Variants in EFEMP1 observed in about 807,000 individuals in gnomAD.
EFEMP1 encodes the protein EGF-like fibulin extracellular matrix protein 1.
Under a neutral mutation model 65.7 loss-of-function variants are expected in EFEMP1, and 18 were observed. The ratio of observed to expected loss-of-function variants is 0.27; its 90% confidence interval spans 0.19 to 0.41. The LOEUF is 0.41. EFEMP1 is among the 10% of genes least tolerant of loss of function. EFEMP1 has a pLI of 1.00. For missense variants in EFEMP1, 469 were observed against 624.8 expected, an observed-to-expected ratio of 0.75 and a Z score of 2.66; for synonymous variants, 237 against 219.7, an observed-to-expected ratio of 1.08 and a Z score of -0.70.
At chr2:55,882,114 C>G (rs909120266) in intron 5 of EFEMP1, among the ~76,000 whole-genome samples, 57 of 151,912 alleles carry the variant, frequency 3.8e-4, no homozygotes, top group Non-Finnish European at 7.4e-5. Context: ...AGGGATGCAT[C>G]CATTAGAACA....
chr2:55,877,635 G>A lies in EFEMP1; in HGVS notation c.760+111C>T. Reference sequence around the variant, plus strand: ...TTTTAAGCTTTATGATTGCTGAAGGGAAGTCGATGGAAACTATTTACTCAA... The same window carrying A: ...TTTTAAGCTTTATGATTGCTGAAGGAAAGTCGATGGAAACTATTTACTCAA... On this transcript the variant is annotated intron_variant, in intron 7 of 11. Coordinates refer to ENST00000355426, the MANE Select transcript of EFEMP1 (RefSeq NM_001039348.3). This position sits in a 1 kb window ranked among gnomAD's most constrained non-coding sequence, Gnocchi z 4.5. The A allele has an allele frequency of 1.3e-6, 2 of 1,487,680 alleles. No homozygotes were observed. The highest frequency in any genetic ancestry group is 2.3e-5 in the South Asian group (2 of 86,948). The allele number at this position is 1,487,680 out of a possible 1,614,324, so 92.2% of individuals were successfully genotyped here. A position where few individuals can be genotyped will look rare whatever the true frequency, so the allele number is the denominator to read the frequency against.
chr2:55,867,505 TC>T lies in EFEMP1; in HGVS notation c.1321-272del. Reference sequence around the variant, plus strand: ...CCTCCCTCTCTGTTAACATTTTTCTTCACTTTTATTGAGTAGTTGTGGACTT... The same window carrying T: ...CCTCCCTCTCTGTTAACATTTTTCTTACTTTTATTGAGTAGTTGTGGACTT... On this transcript the variant is annotated intron_variant, in intron 11 of 11. Coordinates refer to ENST00000355426, the MANE Select transcript of EFEMP1 (RefSeq NM_001039348.3). The surrounding 1 kb of genome is among the most constrained non-coding windows in gnomAD (Gnocchi z 4.3). Among the ~76,000 whole-genome samples, 1 of 152,186 alleles carries T rather than the reference TC, an allele frequency of 6.6e-6. No individual in the cohort carries two copies. The highest frequency in any genetic ancestry group is 2.1e-4 in the South Asian group (1 of 4,832).
rs192404906 is a variant in EFEMP1, at chr2:55,870,929, C to G, written c.1125-14G>C. ...CAAACACATCGGCTGCAGAGACAAA[C>G]AAAAGTATTCAGCAGTTTGGCTTGG... On this transcript the variant is annotated splice_polypyrimidine_tract_variant and intron_variant, in intron 10 of 11. Transcript: ENST00000355426. This position sits in a 1 kb window ranked among gnomAD's most constrained non-coding sequence, Gnocchi z 5.8. The G allele has an allele frequency of 2.5e-5, 40 of 1,613,694 alleles. No homozygotes were observed. The African/African-American group carries it at 2.9e-4, about 12-fold the overall frequency.
At chr2:55,907,561 T>C (rs1323585410) in intron 5 of EFEMP1, among the ~76,000 whole-genome samples, 2 of 152,338 alleles carry the variant, frequency 1.3e-5, no homozygotes, top group East Asian at 1.9e-4. Context: ...ATATAAGTTT[T>C]CAGAAAATAG....
At chr2:55,905,862 A>G (rs1402681102) in intron 5 of EFEMP1, among the ~76,000 whole-genome samples, 1 of 152,194 alleles carries the variant, frequency 6.6e-6, no homozygotes, top group Non-Finnish European at 1.5e-5. Flanking sequence ...TGACATTCTA[A>G]TAGTCCATTT....
intron 5 of EFEMP1, among the ~76,000 whole-genome samples, chr2:55,896,137 T>C (rs1382867163): frequency 6.6e-6 from 1 of 152,244 alleles, no homozygotes; most frequent in African/African-American, 2.4e-5. Flanking sequence ...GCTGGATGTA[T>C]AAATTCTAGC....
intron 6 of EFEMP1, among the ~76,000 whole-genome samples, chr2:55,879,291 C>T (rs1669149807): frequency 6.6e-6 from 1 of 152,184 alleles, no homozygotes. Flanking sequence ...ATCGAAACTT[C>T]ACACTAATTA....
At chr2:55,918,198 A>G (rs770669874) in intron 4 of EFEMP1, 21 bp downstream of exon 4, 13 of 1,614,192 alleles carry the variant, frequency 8.1e-6, no homozygotes, top group African/African-American at 2.7e-5. Flanking sequence ...GATCACATGG[A>G]AGTCTTTGAA....
In EFEMP1 at chr2:55,917,024, C is replaced by T. The variant is rs1478225551; in HGVS notation, c.517+641G>A. Among the ~76,000 whole-genome samples, 3 of 152,152 alleles carry T rather than the reference C, an allele frequency of 2.0e-5. No individual in the cohort carries two copies. Among genetic ancestry groups the T allele is most frequent in the Non-Finnish European group, 2.9e-5 (2 of 68,006 alleles). ...AATGAGAGCTTAAAAGAGATATAAACGTGAGTGGGGGAGAATCCCTCCAAG... is the reference window on the plus strand; with the variant it reads ...AATGAGAGCTTAAAAGAGATATAAATGTGAGTGGGGGAGAATCCCTCCAAG... On this transcript the variant is annotated intron_variant, in intron 5 of 11. Coordinates refer to ENST00000355426, the MANE Select transcript of EFEMP1 (RefSeq NM_001039348.3). This position sits in a 1 kb window ranked among gnomAD's most constrained non-coding sequence, Gnocchi z 6.3.
intron 5 of EFEMP1, among the ~76,000 whole-genome samples, chr2:55,910,569 A>G (rs1670444872): frequency 6.6e-6 from 1 of 152,180 alleles, no homozygotes; most frequent in African/African-American, 2.4e-5. Flanking sequence ...TTCCTGCTGG[A>G]TAAATAAATA....
At chr2:55,872,591 C>T (rs1668854318) in intron 9 of EFEMP1, among the ~76,000 whole-genome samples, 2 of 152,026 alleles carry the variant, frequency 1.3e-5, no homozygotes, top group Admixed American at 6.6e-5. Context: ...TTTAGTGGCT[C>T]ATTCAAGTTC....
At chr2:55,904,891 G>GA (rs1425394802) in intron 5 of EFEMP1, among the ~76,000 whole-genome samples, 4 of 151,166 alleles carry the variant, frequency 2.6e-5, no homozygotes, top group African/African-American at 9.8e-5. Context: ...TGTTTTCCTG[G>GA]AGAACCTTGA....
chr2:55,921,871 GAATA>G lies in EFEMP1; in HGVS notation c.81+485_81+488del, dbSNP rs1384651764. The stretch of plus-strand genomic sequence containing the variant: ...AATTATCAAGTTATACAAAAAGAAT[GAATA>G]TATAGCCTTTATAAATTCAATAAAG... On this transcript the variant is annotated intron_variant, in intron 3 of 11. Coordinates refer to ENST00000355426, the MANE Select transcript of EFEMP1 (RefSeq NM_001039348.3). This position sits in a 1 kb window ranked among gnomAD's most constrained non-coding sequence, Gnocchi z 4.1. The G allele has an allele frequency of 6.0e-6, 1 of 167,504 alleles. No homozygotes were observed. The highest frequency in any genetic ancestry group is 1.4e-4 in the South Asian group (1 of 6,898). 10.4% of individuals were successfully genotyped at this position (167,504 alleles called of 1,614,324 possible). A position where few individuals can be genotyped will look rare whatever the true frequency, so the allele number is the denominator to read the frequency against.
At chr2:55,882,644 A>G (rs1470955048) in intron 5 of EFEMP1, among the ~76,000 whole-genome samples, 1 of 152,208 alleles carries the variant, frequency 6.6e-6, no homozygotes, top group Non-Finnish European at 1.5e-5. Context: ...CGGCTCTCCT[A>G]TATCATGAAG....
chr2:55,887,758 C>A (rs1257990156), intron 5 of EFEMP1, among the ~76,000 whole-genome samples: 2 of 152,106 alleles, frequency 1.3e-5, no homozygotes, highest in African/African-American at 2.4e-5. Flanking sequence ...AAAATATCAC[C>A]AAAATCAACA....
At chr2:55,868,131 C>T (rs1355408618) in intron 11 of EFEMP1, among the ~76,000 whole-genome samples, 1 of 152,198 alleles carries the variant, frequency 6.6e-6, no homozygotes, top group East Asian at 1.9e-4. Flanking sequence ...TCCACGGGGG[C>T]AGGAACTGGC....
chr2:55,889,608 C>G (rs760023920), intron 5 of EFEMP1, among the ~76,000 whole-genome samples: 5 of 151,790 alleles, frequency 3.3e-5, no homozygotes, highest in Non-Finnish European at 5.9e-5. Flanking sequence ...CTGCCTAAAA[C>G]AATAATAGTA....
chr2:55,878,992 T>G (rs1207501655), intron 6 of EFEMP1, among the ~76,000 whole-genome samples: 1 of 152,240 alleles, frequency 6.6e-6, no homozygotes, highest in Non-Finnish European at 1.5e-5. Flanking sequence ...CTTACTTTGG[T>G]TCAGGTGTCC....
intron 5 of EFEMP1, among the ~76,000 whole-genome samples, chr2:55,898,813 C>A (rs1398625177): frequency 6.6e-6 from 1 of 152,110 alleles, no homozygotes; most frequent in African/African-American, 2.4e-5. Flanking sequence ...ACAGTACCTG[C>A]CTTGCCTCAA....
Sources: allele counts gnomAD v4.1 joint callset (sites outside exome capture counted in the v4.1 genomes callset), GRCh38; gene constraint gnomAD v4.1.1; non-coding constraint Gnocchi (gnomAD v3.1); transcripts MANE v1.5; gene names NCBI Gene and HGNC (gene_info 2026-07-23, HGNC 2026-07-21).